Variants in BLMH observed in about 807,000 individuals in gnomAD.
BLMH encodes BLM hydrolase.
A neutral mutation model predicts 61.6 loss-of-function variants in BLMH; 32 were observed. That is an observed-to-expected ratio of 0.52 (90% CI 0.39 to 0.70). The LOEUF is 0.70. Among genes scored for constraint, BLMH ranks in the 30% least tolerant of loss-of-function variants. The probability of loss-of-function intolerance (pLI) is 0.00; values close to 1 mark genes in which losing one functional copy is unlikely to be tolerated. For missense variants in BLMH, 460 were observed against 555.5 expected, an observed-to-expected ratio of 0.83 and a Z score of 1.73; for synonymous variants, 183 against 193.8, an observed-to-expected ratio of 0.94 and a Z score of 0.46.
At chr17:30,264,001 GAC>G (rs1469516334) in intron 11 of BLMH, among the ~76,000 whole-genome samples, 6 of 152,220 alleles carry the variant, frequency 3.9e-5, no homozygotes, top group African/African-American at 1.2e-4. Flanking sequence ...CCACTAGGAT[GAC>G]AGACAAGAAG....
intron 6 of BLMH, among the ~76,000 whole-genome samples, chr17:30,278,335 A>G (rs1027255836): frequency 6.6e-6 from 1 of 152,254 alleles, no homozygotes; most frequent in African/African-American, 2.4e-5. Flanking sequence ...TACAGAATTG[A>G]GTAAAATAAG....
chr17:30,283,152 ACT>A (rs1908636090), intron 6 of BLMH, among the ~76,000 whole-genome samples: 1 of 152,124 alleles, frequency 6.6e-6, no homozygotes, highest in African/African-American at 2.4e-5. Context: ...ACAAAGCAAG[ACT>A]CTGTCTCTAA....
At chr17:30,250,985 T>C (rs1261911000) in intron 11 of BLMH, among the ~76,000 whole-genome samples, 1 of 152,176 alleles carries the variant, frequency 6.6e-6, no homozygotes, top group African/African-American at 2.4e-5. Context: ...AACTCAGGAA[T>C]GGAAAACCAA....
At chr17:30,259,375 G>C (rs1480657991) in intron 11 of BLMH, among the ~76,000 whole-genome samples, 4 of 152,102 alleles carry the variant, frequency 2.6e-5, no homozygotes, top group Admixed American at 1.3e-4. Context: ...CCCATTTTCT[G>C]TCTGCTCTGC....
At chr17:30,265,918 C>A (rs191103096) in intron 11 of BLMH, among the ~76,000 whole-genome samples, 1 of 152,046 alleles carries the variant, frequency 6.6e-6, no homozygotes, top group Admixed American at 6.5e-5. Context: ...CAATAATATA[C>A]CCTAAACTGT....
intron 11 of BLMH, chr17:30,250,272 T>C (rs1210584527): frequency 6.6e-6 from 1 of 152,086 alleles, no homozygotes; most frequent in Non-Finnish European, 1.5e-5. Flanking sequence ...GCAAGAGAAA[T>C]AGCAGTGTAA....
chr17:30,287,698 G>T, intron 4 of BLMH, 108 bp downstream of exon 4: 1 of 1,286,708 alleles, frequency 7.8e-7, no homozygotes, highest in Non-Finnish European at 1.1e-6. Flanking sequence ...TATCCTTCTT[G>T]GAGACCAATT....
rs78195235 is a variant in BLMH at position 30,261,348 on chromosome 17, G to C, written c.1216+5537C>G. 6.3e-3 allele frequency among the ~76,000 whole-genome samples: 966 copies of C among 152,312 alleles called. 11 individuals carry two copies. Among genetic ancestry groups the C allele is most frequent in the African/African-American group, 0.021 (890 of 41,568 alleles). On this transcript the variant is annotated intron_variant, in intron 11 of 11. Coordinates refer to ENST00000261714, the MANE Select transcript of BLMH (RefSeq NM_000386.4). ...TTCACATCCTGAGTTACTCTACTCT[G>C]ATGTCATGAGGAGAAATAAATACAA...
chr17:30,262,986 T>C (rs1261427991), intron 11 of BLMH, among the ~76,000 whole-genome samples: 1 of 152,156 alleles, frequency 6.6e-6, no homozygotes, highest in Non-Finnish European at 1.5e-5. Context: ...CAGCCACAAA[T>C]GATGCTCTAG....
At chr17:30,281,666 T>C (rs547782442) in intron 6 of BLMH, among the ~76,000 whole-genome samples, 2 of 152,220 alleles carry the variant, frequency 1.3e-5, no homozygotes, top group African/African-American at 4.8e-5. Flanking sequence ...AAATATACCC[T>C]GAAAAATTTT....
intron 10 of BLMH, among the ~76,000 whole-genome samples, chr17:30,268,415 A>C (rs1310125942): frequency 1.3e-5 from 2 of 152,202 alleles, no homozygotes; most frequent in Admixed American, 6.5e-5. Flanking sequence ...TTACCTCTGT[A>C]CTATTACTCA....
chr17:30,255,752 C>T (rs1270130139), intron 11 of BLMH, among the ~76,000 whole-genome samples: 7 of 152,190 alleles, frequency 4.6e-5, no homozygotes, highest in African/African-American at 1.4e-4. Flanking sequence ...ATAAAATTAG[C>T]TGGGCATGGT....
chr17:30,284,635 C>T (rs1235982907), intron 6 of BLMH, among the ~76,000 whole-genome samples: 3 of 152,160 alleles, frequency 2.0e-5, no homozygotes, highest in Non-Finnish European at 2.9e-5. Context: ...ATATTACCAC[C>T]TCATATTTTA....
intron 6 of BLMH, among the ~76,000 whole-genome samples, chr17:30,281,346 C>A (rs527633466): frequency 1.3e-5 from 2 of 152,112 alleles, no homozygotes; most frequent in Non-Finnish European, 2.9e-5. Flanking sequence ...CCCACCCCCA[C>A]ACCTACTAGA....
At chr17:30,273,765 G>C (rs957181202) in intron 7 of BLMH, 2 of 445,314 alleles carry the variant, frequency 4.5e-6, no homozygotes, top group African/African-American at 4.1e-5. Flanking sequence ...ACTTGAGAAT[G>C]ATTCTGGTCC....
At chr17:30,264,990 C>T (rs142692203) in intron 11 of BLMH, among the ~76,000 whole-genome samples, 2 of 152,164 alleles carry the variant, frequency 1.3e-5, no homozygotes, top group Admixed American at 1.3e-4. Context: ...ATAAAATTCA[C>T]CTTACAAGAA....
At chr17:30,261,148 G>A (rs1160327263) in intron 11 of BLMH, among the ~76,000 whole-genome samples, 1 of 152,174 alleles carries the variant, frequency 6.6e-6, no homozygotes, top group African/African-American at 2.4e-5. Flanking sequence ...AAACAGACCT[G>A]CAAATAACTG....
At chr17:30,286,624 A>G (rs1908734446) in intron 5 of BLMH, among the ~76,000 whole-genome samples, 190 bp downstream of exon 5, 1 of 152,220 alleles carries the variant, frequency 6.6e-6, no homozygotes, top group Non-Finnish European at 1.5e-5. Flanking sequence ...GAAGTTTTTT[A>G]AAAGGAAAAA....
At chr17:30,265,247 G>A (rs900923877) in intron 11 of BLMH, among the ~76,000 whole-genome samples, 6 of 152,126 alleles carry the variant, frequency 3.9e-5, no homozygotes, top group South Asian at 2.1e-4. Context: ...AAAAGCCCTC[G>A]AATGACAAAT....
Sources: gnomAD v4.1 joint callset for allele counts (sites outside exome capture counted in the v4.1 genomes callset) on GRCh38, gnomAD v4.1.1 for gene constraint, MANE v1.5 for transcripts, NCBI Gene and HGNC (gene_info 2026-07-23, HGNC 2026-07-21) for gene names.